The following CDON variants were observed in gnomAD, a reference collection of about 807,000 sequenced individuals.
CDON encodes cell adhesion associated, oncogene regulated, also known as cell adhesion molecule-related/down-regulated by oncogenes.
In CDON, 73 loss-of-function variants were observed where a neutral mutation model predicts 120.9. That is an observed-to-expected ratio of 0.60 (90% CI 0.50 to 0.73). The LOEUF (loss-of-function observed/expected upper bound fraction) is 0.73. Among genes scored for constraint, CDON ranks in the 30% least tolerant of loss-of-function variants. CDON has a pLI of 0.00. For synonymous variants in CDON, 566 were observed against 573.5 expected, an observed-to-expected ratio of 0.99 and a Z score of 0.19; for missense variants, 1,470 against 1,587.3, an observed-to-expected ratio of 0.93 and a Z score of 1.26.
intron 1 of CDON, among the ~76,000 whole-genome samples, chr11:126,055,128 CA>C (rs1479406592): frequency 6.6e-6 from 1 of 152,092 alleles, no homozygotes; most frequent in Non-Finnish European, 1.5e-5. Flanking sequence ...TAAGAAAAAT[CA>C]ATGATCTGGA....
chr11:125,976,374 G>A (rs975767960), intron 18 of CDON, among the ~76,000 whole-genome samples: 1 of 152,082 alleles, frequency 6.6e-6, no homozygotes, highest in Non-Finnish European at 1.5e-5. Flanking sequence ...GCACTAAACA[G>A]GCAGATTCTC....
intron 14 of CDON, 35 bp from the exon 15 acceptor site, chr11:125,989,794 C>T (rs375057686): frequency 6.3e-7 from 1 of 1,593,546 alleles, no homozygotes. Context: ...ACACATCATA[C>T]AGCCTAAATG....
At chr11:126,015,613 C>G in intron 6 of CDON, 103 bp from the exon 7 acceptor site, 2 of 1,223,014 alleles carry the variant, frequency 1.6e-6, no homozygotes, top group Non-Finnish European at 2.3e-6. Flanking sequence ...CCAGTTGAAA[C>G]AAAGTTGCAT....
intron 7 of CDON, 85 bp from the exon 8 acceptor site, chr11:126,010,779 G>A: frequency 2.7e-6 from 3 of 1,104,772 alleles, no homozygotes. Flanking sequence ...TCACGTAAAT[G>A]TGGGAGTAAT....
At chr11:126,041,467 C>T (rs1247031170) in intron 1 of CDON, among the ~76,000 whole-genome samples, 3 of 152,138 alleles carry the variant, frequency 2.0e-5, no homozygotes, top group Non-Finnish European at 4.4e-5. Flanking sequence ...CACAGATGGG[C>T]ATTACTGGCT....
chr11:126,045,150 C>T (rs965016779), intron 1 of CDON, among the ~76,000 whole-genome samples: 2 of 152,086 alleles, frequency 1.3e-5, no homozygotes, highest in South Asian at 2.1e-4. Context: ...CTCAGCCTCC[C>T]GAGTAGCTGG....
intron 18 of CDON, among the ~76,000 whole-genome samples, chr11:125,972,565 C>A (rs1189196758): frequency 2.6e-5 from 4 of 152,190 alleles, no homozygotes; most frequent in African/African-American, 7.2e-5. Context: ...ACAGTGCACC[C>A]TCCCCTCACC....
chr11:126,006,367 C>T (rs1947131204), intron 8 of CDON, among the ~76,000 whole-genome samples: 1 of 152,072 alleles, frequency 6.6e-6, no homozygotes, highest in African/African-American at 2.4e-5. Context: ...GCCAGTTTAA[C>T]CTCAGAAGAT....
At chr11:126,060,827 T>C (rs1948778469) in intron 1 of CDON, among the ~76,000 whole-genome samples, 2 of 152,340 alleles carry the variant, frequency 1.3e-5, no homozygotes, top group South Asian at 2.1e-4. Context: ...ATTCTTTTCC[T>C]GCAAAGTCAA....
At position 126,006,044 on chromosome 11, in the gene CDON, T is replaced by C. The variant is rs1034756992; in HGVS notation, c.1566A>G (p.Thr522=). ...EASLMVVPFE[T]NTKAETVTLP... Reference sequence around the variant, plus strand: ...GTGTGACTGTCTCTGCTTTTGTATTTGTTTCAAAAGGAACTGCAGGGAGAG... The same window carrying C: ...GTGTGACTGTCTCTGCTTTTGTATTCGTTTCAAAAGGAACTGCAGGGAGAG... Residue 522 remains threonine, a synonymous_variant, in exon 9 of 20, where the codon ACA becomes ACG. Coordinates refer to ENST00000531738, the MANE Select transcript of CDON (RefSeq NM_001378964.1). 9 of 1,613,790 alleles carry C rather than the reference T, an allele frequency of 5.6e-6. No homozygotes were observed. The highest frequency in any genetic ancestry group is 7.6e-6 in the Non-Finnish European group (9 of 1,179,938).
intron 1 of CDON, 38 bp from the exon 2 acceptor site, chr11:126,023,575 A>T: frequency 1.1e-6 from 1 of 913,456 alleles, no homozygotes; most frequent in Non-Finnish European, 1.8e-6. Context: ...AAACCATTGA[A>T]ATCTTTCGTC....
At chr11:126,023,909 A>G (rs1303446255) in intron 1 of CDON, among the ~76,000 whole-genome samples, 14 of 152,252 alleles carry the variant, frequency 9.2e-5, no homozygotes, top group Admixed American at 9.2e-4. Context: ...AAACAACAAA[A>G]TAATGGCTAA....
intron 1 of CDON, among the ~76,000 whole-genome samples, chr11:126,038,980 C>A (rs1184455334): frequency 6.6e-6 from 1 of 152,174 alleles, no homozygotes; most frequent in Non-Finnish European, 1.5e-5. Context: ...ATCAACAAAG[C>A]AGCTTTTATA....
Position 126,020,831 on chromosome 11 carries a change from G to C in CDON, c.349+417C>G, listed in dbSNP as rs558187505. 2.0e-5 allele frequency among the ~76,000 whole-genome samples: 3 copies of C among 152,198 alleles called. No homozygotes were observed. The South Asian group carries it at 6.2e-4, about 32-fold the overall frequency. On this transcript the variant is annotated intron_variant, in intron 3 of 19. Transcript: ENST00000531738. ...GTAATCAAGGCAAATAAAACAATTA[G>C]ATGTGAAAGAAAGACAAAGGACTCC...
rs535362511 is a variant in CDON, at chr11:125,997,018, A to G, written c.2362+189T>C. Among the ~76,000 whole-genome samples, 7 of 152,236 alleles carry G rather than the reference A, an allele frequency of 4.6e-5. No homozygotes were observed. In the East Asian group the frequency reaches 1.4e-3, roughly 29 times the overall value. ...ATGGCAAAACCCTGTCTGTACAAAA[A>G]ACACAAAAATTAGCCAGGCACGGTG... On this transcript the variant is annotated intron_variant, in intron 12 of 19. Coordinates refer to ENST00000531738, the MANE Select transcript of CDON (RefSeq NM_001378964.1).
At chr11:126,044,555 C>T (rs1438179110) in intron 1 of CDON, among the ~76,000 whole-genome samples, 2 of 152,054 alleles carry the variant, frequency 1.3e-5, no homozygotes, top group African/African-American at 4.8e-5. Context: ...TACTATTCAG[C>T]CATAAAAAGA....
At position 125,977,185 on chromosome 11, in the gene CDON, T is replaced by C. The variant is rs145224855; in HGVS notation, c.3356+1119A>G. Among the ~76,000 whole-genome samples, 25 of 152,314 alleles carry C rather than the reference T, an allele frequency of 1.6e-4. No individual in the cohort carries two copies. The East Asian group carries it at 2.7e-3, about 16-fold the overall frequency. The stretch of plus-strand genomic sequence containing the variant: ...GAACATTTGCAAAACCAGGGTCATA[T>C]AGAATTTAAATACGTAACAAGCAAA... On this transcript the variant is annotated intron_variant, in intron 18 of 19. Coordinates refer to ENST00000531738, the MANE Select transcript of CDON (RefSeq NM_001378964.1).
chr11:125,994,250 C>T lies in CDON; in HGVS notation c.2650+34G>A, dbSNP rs763171267. On this transcript the variant is annotated intron_variant, in intron 14 of 19. Transcript: ENST00000531738. ...CATAAACCTTCTTTCTCCAAAGCGC[C>T]TTTACAGGGACTCCAGTGTGCCAGG... The T allele has an allele frequency of 3.5e-6, 4 of 1,133,320 alleles. No individual in the cohort carries two copies. The East Asian group carries it at 9.4e-5, about 27-fold the overall frequency. The allele number at this position is 1,133,320 out of a possible 1,614,324, so 70.2% of individuals were successfully genotyped here.
chr11:125,966,847 G>A (rs549760537), intron 18 of CDON, among the ~76,000 whole-genome samples: 1 of 151,840 alleles, frequency 6.6e-6, no homozygotes, highest in Non-Finnish European at 1.5e-5. Flanking sequence ...GACAGTAACT[G>A]CCAATCTAGA....
Sources: gnomAD v4.1 joint callset for allele counts (sites outside exome capture counted in the v4.1 genomes callset) on GRCh38, gnomAD v4.1.1 for gene constraint, MANE v1.5 for transcripts, NCBI Gene and HGNC (gene_info 2026-07-23, HGNC 2026-07-21) for gene names.